The following CDH23 variants were observed in gnomAD, a reference collection of about 807,000 sequenced individuals.
The protein encoded by CDH23 is cadherin related 23.
CDH23 carries 189 observed loss-of-function variants against 317.1 expected under a neutral mutation model. That is an observed-to-expected ratio of 0.60 (90% confidence interval 0.53 to 0.67). CDH23 has a LOEUF of 0.67. Among genes scored for constraint, CDH23 ranks in the 30% least tolerant of loss-of-function variants. CDH23 has a pLI of 0.00. For missense variants in CDH23, 4,401 were observed against 4,592.4 expected (o/e 0.96, Z 1.20); for synonymous variants, 1,839 against 1,876.8 (o/e 0.98, Z 0.52).
Position 71,809,907 on chromosome 10 carries a change from T to G in CDH23, c.8810T>G (p.Leu2937Arg). Reference protein sequence around the residue: ...YFVVDIVARDLAGHNDTAIIG... With the variant: ...YFVVDIVARDRAGHNDTAIIG... The stretch of plus-strand genomic sequence containing the variant: ...GTGGTGGACATTGTGGCCCGAGACC[T>G]GGCAGGCCACAACGACACGGCCATC... The change falls in exon 61 of 70, where the codon CTG (leucine) becomes CGG (arginine). Residue 2937 changes from leucine (L) to arginine (R), a missense_variant. Leu to Arg is a moderately radical substitution (Grantham distance 102, BLOSUM62 -2). Around this residue, in one of 3 missense-constraint regions of CDH23, gnomAD observed 1,144 missense variants for 1,138.2 expected, o/e 1.01. Transcript: ENST00000224721. The G allele has an allele frequency of 3.7e-6, 6 of 1,613,262 alleles. No homozygotes were observed. The highest frequency in any genetic ancestry group is 5.1e-6 in the Non-Finnish European group (6 of 1,179,892).
intron 32 of CDH23, among the ~76,000 whole-genome samples, chr10:71,733,500 C>T (rs1288007559): frequency 6.6e-6 from 1 of 152,224 alleles, no homozygotes; most frequent in Non-Finnish European, 1.5e-5. Flanking sequence ...CCGAGGACCC[C>T]ACCAAGAGTT....
rs183098099 is a variant in CDH23 at position 71,674,147 on chromosome 10, C to T, written c.1450-965C>T. On this transcript the variant is annotated intron_variant, in intron 14 of 69. Coordinates refer to ENST00000224721, the MANE Select transcript of CDH23 (RefSeq NM_022124.6). The stretch of plus-strand genomic sequence containing the variant: ...TTTCTGGATAACTAAGATCTTAATC[C>T]TTTGGGTATAAACTTTTTTTCATTT... Among the ~76,000 whole-genome samples the T allele has an allele frequency of 6.0e-4, 92 of 152,300 alleles. No individual in the cohort carries two copies. In the East Asian group the frequency reaches 0.017, roughly 29 times the overall value.
At chr10:71,589,177 TGGAGC>T (rs1241658087) in intron 9 of CDH23, among the ~76,000 whole-genome samples, 1 of 152,178 alleles carries the variant, frequency 6.6e-6, no homozygotes, top group African/African-American at 2.4e-5. Flanking sequence ...TGGAGTGCAG[TGGAGC>T]GATCTTGGCT....
In CDH23 at chr10:71,751,788, T is replaced by C. The variant is rs1187447259; in HGVS notation, c.4845+9867T>C. The C allele has an allele frequency of 6.3e-7, 1 of 1,599,690 alleles. No homozygotes were observed. On this transcript the variant is annotated intron_variant, in intron 38 of 69. Transcript: ENST00000224721. This position sits in a 1 kb window ranked among gnomAD's most constrained non-coding sequence, Gnocchi z 4.9. ...TGGGCCACATAGGACAGGGGGTGCC[T>C]GACTTTGGCCTCGGGTATCCCCTGG...
intron 11 of CDH23, among the ~76,000 whole-genome samples, chr10:71,620,623 A>G (rs746054073): frequency 1.3e-5 from 2 of 152,010 alleles, no homozygotes; most frequent in Non-Finnish European, 2.9e-5. Flanking sequence ...ACCCAACCCC[A>G]CCAGGGACCA....
intron 14 of CDH23, among the ~76,000 whole-genome samples, chr10:71,655,301 C>T (rs1863371288): frequency 6.6e-6 from 1 of 152,154 alleles, no homozygotes; most frequent in East Asian, 1.9e-4. Context: ...CCCTTGCCCC[C>T]ATACCCCTCA....
At chr10:71,804,739 TTGCTTCC>T (rs2132981451) in intron 55 of CDH23, among the ~76,000 whole-genome samples, 1 of 152,346 alleles carries the variant, frequency 6.6e-6, no homozygotes, top group Admixed American at 6.5e-5. Flanking sequence ...GGCTTACACC[TTGCTTCC>T]CACCCCTCAG....
intron 14 of CDH23, among the ~76,000 whole-genome samples, chr10:71,673,416 T>G (rs944947479): frequency 6.6e-6 from 1 of 152,234 alleles, no homozygotes; most frequent in East Asian, 1.9e-4. Context: ...GACCATGCAT[T>G]GATGACCATG....
At chr10:71,778,740 A>T (rs1030091908) in intron 40 of CDH23, among the ~76,000 whole-genome samples, 6 of 152,184 alleles carry the variant, frequency 3.9e-5, no homozygotes, top group African/African-American at 9.7e-5. Flanking sequence ...AGCAACAAAT[A>T]GAAGTTTATG....
intron 14 of CDH23, among the ~76,000 whole-genome samples, chr10:71,665,683 C>T (rs74145245): frequency 2.3e-3 from 355 of 152,238 alleles, no homozygotes; most frequent in African/African-American, 8.0e-3. Context: ...GCAGGCACTG[C>T]GGAGAAGGCA....
intron 38 of CDH23, among the ~76,000 whole-genome samples, chr10:71,745,702 C>T (rs181816422): frequency 1.8e-4 from 28 of 152,348 alleles, no homozygotes; most frequent in African/African-American, 6.5e-4. Context: ...TGAATATCCC[C>T]AAGAGCAGAG....
intron 22 of CDH23, among the ~76,000 whole-genome samples, chr10:71,700,109 G>A (rs1865527409): frequency 6.6e-6 from 1 of 152,222 alleles, no homozygotes; most frequent in African/African-American, 2.4e-5. Flanking sequence ...CCCCCAGGCT[G>A]GGTGCGGTCG....
At chr10:71,580,264 G>A (rs1042696336) in intron 9 of CDH23, among the ~76,000 whole-genome samples, 7 of 152,180 alleles carry the variant, frequency 4.6e-5, no homozygotes, top group Non-Finnish European at 7.4e-5. Context: ...CTTGGAGTCC[G>A]GGCACAACTG....
Position 71,432,446 on chromosome 10 carries a change from T to C in CDH23, c.-5-7381T>C, listed in dbSNP as rs553625111. Among the ~76,000 whole-genome samples, 1,383 of 150,550 alleles carry C rather than the reference T, an allele frequency of 9.2e-3. 17 individuals carry two copies. The highest frequency in any genetic ancestry group is 0.032 in the African/African-American group (1,290 of 40,732). On this transcript the variant is annotated intron_variant, in intron 1 of 69. Transcript: ENST00000224721. ...GTGGGTGAGTGTGTGTTTGAGAGCG[T>C]GTGTGTGAGAGCATGTGAGTGTGTA...
At chr10:71,590,905 A>T (rs933044116) in intron 9 of CDH23, among the ~76,000 whole-genome samples, 1 of 148,464 alleles carries the variant, frequency 6.7e-6, no homozygotes, top group African/African-American at 2.5e-5. Context: ...AACAAAAAAA[A>T]ACACCAGTCT....
chr10:71,590,120 C>G (rs1166697277), intron 9 of CDH23, among the ~76,000 whole-genome samples: 1 of 152,228 alleles, frequency 6.6e-6, no homozygotes, highest in Non-Finnish European at 1.5e-5. Flanking sequence ...CTGGACTTGG[C>G]TAAACTTCCT....
Position 71,740,900 on chromosome 10 carries a change from AACCC to A in CDH23, c.4568_4571del (p.Asn1523IlefsTer14), listed in dbSNP as rs1420942546. 1 of 1,613,866 alleles carries A rather than the reference AACCC, an allele frequency of 6.2e-7. No individual in the cohort carries two copies. The highest frequency in any genetic ancestry group is 2.2e-5 in the East Asian group (1 of 44,896). On this transcript the variant is annotated frameshift_variant, in exon 37 of 70. Coordinates refer to ENST00000224721, the MANE Select transcript of CDH23 (RefSeq NM_022124.6). LOFTEE classifies it high-confidence loss of function. ...GGTGACCATCCTGGACATCAATGAC[AACCC>A]TCCAGTCATCGAGAGCCCCTTTGGA... is the stretch of plus-strand genomic sequence containing the variant.
chr10:71,557,993 A>AACTT (rs1856950689), intron 6 of CDH23, among the ~76,000 whole-genome samples: 1 of 70,306 alleles, frequency 1.4e-5, no homozygotes, highest in South Asian at 5.3e-4. Flanking sequence ...TCTTTTTTTT[A>AACTT]ACTTATTTAT....
At position 71,510,064 on chromosome 10, in the gene CDH23, C is replaced by A. The variant is rs767566281; in HGVS notation, c.146-18C>A. On this transcript the variant is annotated intron_variant, in intron 3 of 69. Coordinates refer to ENST00000224721, the MANE Select transcript of CDH23 (RefSeq NM_022124.6). ...ACCTCTCTTATTTTCCCTCTGCTCT[C>A]TCCCTTGGCTACTCCAGGTTCTTCT... The A allele has an allele frequency of 6.2e-7, 1 of 1,614,030 alleles. No individual in the cohort carries two copies. Among genetic ancestry groups the A allele is most frequent in the South Asian group, 1.1e-5 (1 of 91,088 alleles).
Sources: allele counts gnomAD v4.1 joint callset (sites outside exome capture counted in the v4.1 genomes callset), GRCh38; gene constraint gnomAD v4.1.1; regional missense constraint gnomAD v4.1.1; non-coding constraint Gnocchi (gnomAD v3.1); transcripts MANE v1.5; gene names NCBI Gene and HGNC (gene_info 2026-07-23, HGNC 2026-07-21).